Variants in PAX2 observed in about 807,000 individuals in gnomAD.
PAX2 encodes paired box protein Pax-2.
A neutral mutation model predicts 41.7 loss-of-function variants in PAX2; 9 were observed. The observed-to-expected ratio is 0.22, with a 90% CI of 0.13 to 0.38. The LOEUF (loss-of-function observed/expected upper bound fraction) is 0.38. Ranked by LOEUF, PAX2 falls within the 10% of genes least tolerant of loss-of-function variation. The probability of loss-of-function intolerance (pLI) is 1.00; values close to 1 mark genes in which losing one functional copy is unlikely to be tolerated. For synonymous variants in PAX2, 221 were observed against 212.7 expected, an observed-to-expected ratio of 1.04 and a Z score of -0.34; for missense variants, 418 against 531.6, an observed-to-expected ratio of 0.79 and a Z score of 2.10.
chr10:100,816,755 C>G (rs1325012125), intron 7 of PAX2, among the ~76,000 whole-genome samples: 1 of 152,186 alleles, frequency 6.6e-6, no homozygotes, highest in Non-Finnish European at 1.5e-5. Flanking sequence ...ACTATTGTCA[C>G]TTCTGAGAGG....
chr10:100,813,432 A>G (rs1260372069), intron 7 of PAX2, among the ~76,000 whole-genome samples: 1 of 152,248 alleles, frequency 6.6e-6, no homozygotes, highest in Non-Finnish European at 1.5e-5. Context: ...TCAAAGCCAG[A>G]TCAGTATTGG....
At chr10:100,811,400 A>G (rs561747539) in intron 7 of PAX2, among the ~76,000 whole-genome samples, 1 of 152,388 alleles carries the variant, frequency 6.6e-6, no homozygotes, top group Admixed American at 6.5e-5. Flanking sequence ...GGTACTGTCA[A>G]GGTGAGCCAT....
chr10:100,754,752 G>A (rs9988739), intron 3 of PAX2, among the ~76,000 whole-genome samples: 17,307 of 152,160 alleles, frequency 0.11, 3,036 homozygotes, highest in African/African-American at 0.38. Flanking sequence ...CCGGGCTAGG[G>A]TCTGTTTCTC....
At chr10:100,780,065 C>G (rs1338868840) in intron 4 of PAX2, among the ~76,000 whole-genome samples, 1 of 152,084 alleles carries the variant, frequency 6.6e-6, no homozygotes, top group Non-Finnish European at 1.5e-5. Context: ...CTTCTTTTCT[C>G]CCTCTGCCCT....
In PAX2 at chr10:100,761,377, G is replaced by C. The variant is rs545483989; in HGVS notation, c.410+10486G>C. Among the ~76,000 whole-genome samples, 2 of 151,928 alleles carry C rather than the reference G, an allele frequency of 1.3e-5. 1 individual carries two copies. Among genetic ancestry groups the C allele is most frequent in the East Asian group, 3.9e-4 (2 of 5,178 alleles). ...TACACTTTTCTTTTTCCCCACCCTC[G>C]TTTCCTCTGAACTTGGCTCTGTGGA... On this transcript the variant is annotated intron_variant, in intron 3 of 9. Coordinates refer to ENST00000355243, the MANE Select transcript of PAX2 (RefSeq NM_000278.5).
rs549192025 is a variant in PAX2 at position 100,829,598 on chromosome 10, T to C, written c.*1979T>C. 1.8e-4 allele frequency: 38 copies of C among 206,910 alleles called. No individual in the cohort carries two copies. The highest frequency in any genetic ancestry group is 6.4e-4 in the African/African-American group (28 of 43,898). The allele number at this position is 206,910 out of a possible 1,614,324, so 12.8% of individuals were successfully genotyped here. On this transcript the variant is annotated 3_prime_UTR_variant, in exon 10 of 10. Transcript: ENST00000355243. ...AATCCTTGAACAAATCCGAAAAGGC[T>C]TGGAGTCCTCGCCCAGATCTCTCTC...
intron 5 of PAX2, among the ~76,000 whole-genome samples, chr10:100,797,145 T>C (rs4919493): frequency 0.92 from 139,497 of 152,306 alleles, 63,942 homozygotes; most frequent in East Asian, 1. Flanking sequence ...TCATGATCAC[T>C]TTCTCTACAT....
chr10:100,740,146 C>A (rs918922288), intron 1 of PAX2, among the ~76,000 whole-genome samples: 7 of 152,202 alleles, frequency 4.6e-5, no homozygotes, highest in Non-Finnish European at 5.9e-5. Context: ...TGTTTGGAAC[C>A]GGACCGGACG....
intron 5 of PAX2, 95 bp from the exon 6 acceptor site, chr10:100,806,334 TG>T: frequency 7.6e-7 from 1 of 1,309,462 alleles, no homozygotes; most frequent in Non-Finnish European, 1.1e-6. Flanking sequence ...GCAGAGCTCC[TG>T]GGCCCGGAAC....
At position 100,748,777 on chromosome 10, in the gene PAX2, G is replaced by GGA; in HGVS notation, c.44-968_44-967insAG. 1 of 985,394 alleles carries GGA rather than the reference G, an allele frequency of 1.0e-6. No individual in the cohort carries two copies. Among genetic ancestry groups the GGA allele is most frequent in the Non-Finnish European group, 1.2e-6 (1 of 829,952 alleles). 61.0% of individuals were successfully genotyped at this position (985,394 alleles called of 1,614,324 possible). On this transcript the variant is annotated intron_variant, in intron 1 of 9. Coordinates refer to ENST00000355243, the MANE Select transcript of PAX2 (RefSeq NM_000278.5). This position sits in a 1 kb window ranked among gnomAD's most constrained non-coding sequence, Gnocchi z 5.0. The stretch of plus-strand genomic sequence containing the variant: ...GAAAGAGCAAAAGCCCGAGCCGCTC[G>GGA]GTTTCCTGGGGGGGCTGCCGAGGTC...
intron 5 of PAX2, among the ~76,000 whole-genome samples, chr10:100,799,300 G>A (rs1179502251): frequency 6.6e-6 from 1 of 152,168 alleles, no homozygotes; most frequent in Non-Finnish European, 1.5e-5. Flanking sequence ...TTCTGCCTGC[G>A]GATGAAGACT....
intron 3 of PAX2, among the ~76,000 whole-genome samples, chr10:100,762,388 C>T (rs1047792341): frequency 1.5e-4 from 23 of 152,034 alleles, no homozygotes; most frequent in Admixed American, 1.1e-3. Flanking sequence ...TGTGCATGCA[C>T]GCCTGCACGC....
chr10:100,773,538 A>G (rs924740071), intron 3 of PAX2, among the ~76,000 whole-genome samples: 8 of 152,228 alleles, frequency 5.3e-5, no homozygotes, highest in African/African-American at 1.9e-4. Flanking sequence ...CCTGAGGCGG[A>G]CGGTGGATGG....
Position 100,746,080 on chromosome 10 carries a change from G to A in PAX2, c.-181G>A, listed in dbSNP as rs2133822951. 2.0e-6 allele frequency: 3 copies of A among 1,501,158 alleles called. No individual in the cohort carries two copies. The highest frequency in any genetic ancestry group is 2.3e-5 in the East Asian group (1 of 43,244). 93.0% of individuals were successfully genotyped at this position (1,501,158 alleles called of 1,614,324 possible). On this transcript the variant is annotated 5_prime_UTR_variant, in exon 1 of 10. Transcript: ENST00000355243. ...TGCAGTTGCAAGCTCCGGCCAACCC[G>A]GAGGAGCCCCAGCGGGGAGCGCAGT...
At chr10:100,775,872 A>G (rs571018201) in intron 3 of PAX2, among the ~76,000 whole-genome samples, 3 of 152,196 alleles carry the variant, frequency 2.0e-5, no homozygotes, top group African/African-American at 7.2e-5. Flanking sequence ...CAAACTCCAA[A>G]TCTTCCCTCC....
At chr10:100,806,729 G>C (rs889458784) in intron 6 of PAX2, 124 bp downstream of exon 6, 2 of 858,874 alleles carry the variant, frequency 2.3e-6, no homozygotes, top group Non-Finnish European at 3.9e-6. Flanking sequence ...CGTGTGTTCT[G>C]TGTGTGTGCA....
At chr10:100,749,013 C>T in intron 1 of PAX2, 1 of 985,442 alleles carries the variant, frequency 1.0e-6, no homozygotes, top group Non-Finnish European at 1.2e-6. Flanking sequence ...TCTCTGAGCG[C>T]AGCAGACCCC....
At position 100,749,351 on chromosome 10, in the gene PAX2, G is replaced by A. The variant is rs904632634; in HGVS notation, c.44-395G>A. 9.8e-6 allele frequency: 10 copies of A among 1,019,030 alleles called. No individual in the cohort carries two copies. In the South Asian group the frequency reaches 3.2e-4, roughly 32 times the overall value. The allele number at this position is 1,019,030 out of a possible 1,614,324, so 63.1% of individuals were successfully genotyped here. On this transcript the variant is annotated intron_variant, in intron 1 of 9. Coordinates refer to ENST00000355243, the MANE Select transcript of PAX2 (RefSeq NM_000278.5). ...CCCGGGTTGCCTGCGGCGCAGGCGG[G>A]ATGCTGCTTCGCACTAGTCCAGTCC...
At chr10:100,761,244 G>C (rs940297142) in intron 3 of PAX2, among the ~76,000 whole-genome samples, 5 of 151,910 alleles carry the variant, frequency 3.3e-5, no homozygotes, top group African/African-American at 1.2e-4. Flanking sequence ...CCATCTTTGG[G>C]GCTGAGCACT....
Sources: gnomAD v4.1 joint callset for allele counts (sites outside exome capture counted in the v4.1 genomes callset) on GRCh38, gnomAD v4.1.1 for gene constraint, Gnocchi (gnomAD v3.1) non-coding constraint, MANE v1.5 for transcripts, NCBI Gene and HGNC (gene_info 2026-07-23, HGNC 2026-07-21) for gene names.